Variants in DRAP1 observed in about 807,000 individuals in gnomAD.
DRAP1 encodes dr1-associated corepressor.
DRAP1 carries 10 observed loss-of-function variants against 24.1 expected under a neutral mutation model. The ratio of observed to expected loss-of-function variants is 0.41; its 90% CI spans 0.26 to 0.70. The LOEUF (loss-of-function observed/expected upper bound fraction) is 0.70. DRAP1 is among the 30% of genes least tolerant of loss of function. The pLI, the probability that DRAP1 is intolerant of heterozygous loss-of-function variation, is 0.29. For synonymous variants in DRAP1, 122 were observed against 113.8 expected, an observed-to-expected ratio of 1.07 and a Z score of -0.46; for missense variants, 264 against 275.6, an observed-to-expected ratio of 0.96 and a Z score of 0.30.
chr11:65,919,869 G>A lies in DRAP1; in HGVS notation c.115+17G>A. 2.5e-6 allele frequency: 4 copies of A among 1,613,266 alleles called. No homozygotes were observed. The highest frequency in any genetic ancestry group is 1.6e-4 in the Middle Eastern group (1 of 6,062). On this transcript the variant is annotated intron_variant, in intron 2 of 6. Coordinates refer to ENST00000312515, the MANE Select transcript of DRAP1 (RefSeq NM_006442.4). ...TCATCATCTGTATCCTGCCGGGGGC[G>A]GACCGGGTCGAGGGGCGTGGGGGAG...
In DRAP1 at chr11:65,920,920, G is replaced by A. The variant is rs909423551; in HGVS notation, c.460G>A (p.Glu154Lys). The change falls in exon 6 of 7, where the codon GAG becomes AAG. Residue 154 changes from glutamate to lysine, a missense_variant. This residue lies in a region of DRAP1 where 243 missense variants were observed against 233.6 expected (regional missense o/e 1.04). Coordinates refer to ENST00000312515, the MANE Select transcript of DRAP1 (RefSeq NM_006442.4). Reference sequence around the variant, plus strand: ...GGACACAGATACTGATGGGGAAGAGGAGACATCACAACCCCCACCCCAGGC... The same window carrying A: ...GGACACAGATACTGATGGGGAAGAGAAGACATCACAACCCCCACCCCAGGC... ...SEDTDTDGEEETSQPPPQASH... is the reference protein window; with the variant it reads ...SEDTDTDGEEKTSQPPPQASH... The A allele has an allele frequency of 2.5e-6, 4 of 1,613,526 alleles. No individual in the cohort carries two copies. The highest frequency in any genetic ancestry group is 3.3e-5 in the Admixed American group (2 of 59,910).
Position 65,921,412 on chromosome 11 carries a change from G to A in DRAP1, c.595G>A (p.Asp199Asn), listed in dbSNP as rs957107181. 8.1e-6 allele frequency: 13 copies of A among 1,609,524 alleles called. No individual in the cohort carries two copies. The highest frequency in any genetic ancestry group is 1.0e-5 in the Non-Finnish European group (12 of 1,175,974). ...PPGPSAPDEE[D>N]EEDYDS The stretch of plus-strand genomic sequence containing the variant: ...GGGCCCCTCAGCACCTGATGAAGAG[G>A]ACGAAGAAGATTACGACTCCTAGCG... Residue 199 changes from aspartate (D) to asparagine (N), a missense_variant, in exon 7 of 7, where the codon GAC (aspartate) becomes AAC (asparagine). Asp to Asn is a conservative substitution (Grantham distance 23). Around this residue, in one of 2 missense-constraint regions of DRAP1, gnomAD observed 243 missense variants for 233.6 expected, o/e 1.04. Coordinates refer to ENST00000312515, the MANE Select transcript of DRAP1 (RefSeq NM_006442.4).
rs759977811 is a variant in DRAP1, at chr11:65,921,369, T to G, written c.552T>G (p.Pro184=). 6.2e-7 allele frequency: 1 copy of G among 1,611,328 alleles called. No individual in the cohort carries two copies. Among genetic ancestry groups the G allele is most frequent in the South Asian group, 1.1e-5 (1 of 90,998 alleles). ...TPFLPFASTL[P]LPPAPPGPSA... ...TCCTGCCCTTCGCCTCTACTCTGCC[T>G]TTGCCCCCAGCGCCCCCGGGCCCCT... The change falls in exon 7 of 7, where the codon CCT becomes CCG. Residue 184 remains proline, a synonymous_variant. Transcript: ENST00000312515.
At chr11:65,921,160 C>T (rs979199526) in intron 6 of DRAP1, 170 bp from the exon 7 acceptor site, 3 of 671,046 alleles carry the variant, frequency 4.5e-6, no homozygotes, top group Admixed American at 6.1e-5. Flanking sequence ...TGCCAGGGCC[C>T]GTGGGTGGGG....
chr11:65,919,601 A>G (rs1399035142), intron 1 of DRAP1, 58 bp downstream of exon 1: 6 of 1,546,242 alleles, frequency 3.9e-6, no homozygotes, highest in South Asian at 1.2e-5. Context: ...GCTTGGGCCC[A>G]GTTCCCGCTG....
At chr11:65,921,222 A>AG (rs1854546287) in intron 6 of DRAP1, 108 bp from the exon 7 acceptor site, 1 of 666,204 alleles carries the variant, frequency 1.5e-6, no homozygotes, top group Non-Finnish European at 2.5e-6. Flanking sequence ...ATGGATCTGG[A>AG]GGGTGGTGGT....
At chr11:65,921,232 TG>T (rs1854546452) in intron 6 of DRAP1, 97 bp from the exon 7 acceptor site, 1 of 778,122 alleles carries the variant, frequency 1.3e-6, no homozygotes, top group Admixed American at 2.4e-5. Flanking sequence ...AGGGTGGTGG[TG>T]GGAGGGTCAG....
At position 65,921,514 on chromosome 11, in the gene DRAP1, C is replaced by A; in HGVS notation, c.*79C>A. ...GGGGAGGAGAGAAGGTAGAGCTGTT[C>A]TTAAATTTATTAAAAAAAAAAATAA... On this transcript the variant is annotated 3_prime_UTR_variant, in exon 7 of 7. Transcript: ENST00000312515. 1.6e-6 allele frequency: 1 copy of A among 619,344 alleles called. No homozygotes were observed. Among genetic ancestry groups the A allele is most frequent in the Non-Finnish European group, 2.8e-6 (1 of 355,432 alleles). The allele number at this position is 619,344 out of a possible 1,614,324, so 38.4% of individuals were successfully genotyped here.
In DRAP1 at chr11:65,921,414, C is replaced by G; in HGVS notation, c.597C>G (p.Asp199Glu). 5.0e-6 allele frequency: 8 copies of G among 1,608,548 alleles called. 1 individual carries two copies. The Middle Eastern group carries it at 1.3e-3, about 266-fold the overall frequency. Residue 199 changes from aspartate to glutamate, a missense_variant, in exon 7 of 7, where the codon GAC becomes GAG. Asp to Glu is a conservative substitution (Grantham distance 45). Around this residue, in one of 2 missense-constraint regions of DRAP1, gnomAD observed 243 missense variants for 233.6 expected, o/e 1.04. Coordinates refer to ENST00000312515, the MANE Select transcript of DRAP1 (RefSeq NM_006442.4). ...GCCCCTCAGCACCTGATGAAGAGGACGAAGAAGATTACGACTCCTAGCGCC... is the reference window on the plus strand; with the variant it reads ...GCCCCTCAGCACCTGATGAAGAGGAGGAAGAAGATTACGACTCCTAGCGCC... ...PPGPSAPDEE[D>E]EEDYDS
At position 65,920,068 on chromosome 11, in the gene DRAP1, C is replaced by T. The variant is rs370004144; in HGVS notation, c.209+27C>T. On this transcript the variant is annotated intron_variant, in intron 3 of 6. Coordinates refer to ENST00000312515, the MANE Select transcript of DRAP1 (RefSeq NM_006442.4). Reference sequence around the variant, plus strand: ...TGAGCGGCGAGGAGCCGGGAGGGGCCGGCGGGTTTGGCGCGGGGAGTTCAC... The same window carrying T: ...TGAGCGGCGAGGAGCCGGGAGGGGCTGGCGGGTTTGGCGCGGGGAGTTCAC... 67 of 1,608,038 alleles carry T rather than the reference C, an allele frequency of 4.2e-5. 1 individual carries two copies. Among genetic ancestry groups the T allele is most frequent in the Admixed American group, 6.8e-5 (4 of 59,164 alleles).
At position 65,920,918 on chromosome 11, in the gene DRAP1, A is replaced by C; in HGVS notation, c.458A>C (p.Glu153Ala). ...ESEDTDTDGE[E>A]ETSQPPPQAS... is the part of the protein sequence containing the mutation. Reference sequence around the variant, plus strand: ...GAGGACACAGATACTGATGGGGAAGAGGAGACATCACAACCCCCACCCCAG... The same window carrying C: ...GAGGACACAGATACTGATGGGGAAGCGGAGACATCACAACCCCCACCCCAG... The change falls in exon 6 of 7, where the codon GAG (glutamate) becomes GCG (alanine). Residue 153 changes from glutamate (E) to alanine (A), a missense_variant. Around this residue, in one of 2 missense-constraint regions of DRAP1, gnomAD observed 243 missense variants for 233.6 expected, o/e 1.04. Coordinates refer to ENST00000312515, the MANE Select transcript of DRAP1 (RefSeq NM_006442.4). 1.2e-6 allele frequency: 2 copies of C among 1,613,536 alleles called. No homozygotes were observed. The highest frequency in any genetic ancestry group is 2.2e-5 in the South Asian group (2 of 90,986).
At chr11:65,919,674 G>C in intron 1 of DRAP1, 106 bp from the exon 2 acceptor site, 1 of 1,484,952 alleles carries the variant, frequency 6.7e-7, no homozygotes, top group Non-Finnish European at 9.1e-7. Flanking sequence ...TGCCCTCCCC[G>C]CGTCCGTGTC....
Position 65,920,622 on chromosome 11 carries a change from G to A in DRAP1, c.383G>A (p.Ser128Asn). 1 of 1,540,594 alleles carries A rather than the reference G, an allele frequency of 6.5e-7. No homozygotes were observed. Among genetic ancestry groups the A allele is most frequent in the South Asian group, 1.2e-5 (1 of 81,634 alleles). ...AAGAACGGTGGGATGGGAACGAAAA[G>A]CAAGGACAAGAAGCTGTCCGGGACA... is the stretch of plus-strand genomic sequence containing the variant. ...GRKNGGMGTK[S>N]KDKKLSGTDS... The change falls in exon 5 of 7, where the codon AGC (serine) becomes AAC (asparagine). Residue 128 changes from serine to asparagine, a missense_variant. This residue lies in a region of DRAP1 where 243 missense variants were observed against 233.6 expected (regional missense o/e 1.04). Transcript: ENST00000312515.
chr11:65,919,673 C>T (rs1292117637), intron 1 of DRAP1, 107 bp from the exon 2 acceptor site: 6 of 1,525,932 alleles, frequency 3.9e-6, no homozygotes, highest in East Asian at 2.4e-5. Flanking sequence ...ATGCCCTCCC[C>T]GCGTCCGTGT....
In DRAP1 at chr11:65,920,964, C is replaced by CT; in HGVS notation, c.507dup (p.Gln170SerfsTer27). The CT allele has an allele frequency of 6.2e-7, 1 of 1,609,364 alleles. No individual in the cohort carries two copies. ...CCCAGGCCAGCCACCCCTCTGCCCA[C>CT]TTTCAGAGGTGAGCAGCCCAGAGGC... On this transcript the variant is annotated frameshift_variant, in exon 6 of 7. Coordinates refer to ENST00000312515, the MANE Select transcript of DRAP1 (RefSeq NM_006442.4). LOFTEE classifies it high-confidence loss of function.
In DRAP1 at chr11:65,920,681, C is replaced by G; in HGVS notation, c.423+19C>G. ...GCAGGAGGTGAGTGAGGCCCCAGCCCTTCGCCCTGCCCTTGGTGATGGGAC... is the reference window on the plus strand; with the variant it reads ...GCAGGAGGTGAGTGAGGCCCCAGCCGTTCGCCCTGCCCTTGGTGATGGGAC... On this transcript the variant is annotated intron_variant, in intron 5 of 6. Transcript: ENST00000312515. 1.4e-6 allele frequency: 2 copies of G among 1,472,838 alleles called. No homozygotes were observed. Among genetic ancestry groups the G allele is most frequent in the Non-Finnish European group, 1.8e-6 (2 of 1,106,994 alleles). The allele number at this position is 1,472,838 out of a possible 1,614,324, so 91.2% of individuals were successfully genotyped here. A position where few individuals can be genotyped will look rare whatever the true frequency, so the allele number is the denominator to read the frequency against.
chr11:65,920,899 A>T lies in DRAP1; in HGVS notation c.439A>T (p.Thr147Ser). Residue 147 changes from threonine to serine, a missense_variant, in exon 6 of 7, where the codon ACA becomes TCA. Coordinates refer to ENST00000312515, the MANE Select transcript of DRAP1 (RefSeq NM_006442.4). ...DSEQEDESED[T>S]DTDGEEETSQ... is the part of the protein sequence containing the mutation. ...GTGCTCACAGGATGAATCTGAGGAC[A>T]CAGATACTGATGGGGAAGAGGAGAC... is the stretch of plus-strand genomic sequence containing the variant. 2 of 1,613,290 alleles carry T rather than the reference A, an allele frequency of 1.2e-6. No individual in the cohort carries two copies. Among genetic ancestry groups the T allele is most frequent in the East Asian group, 2.2e-5 (1 of 44,884 alleles).
chr11:65,920,866 C>A lies in DRAP1; in HGVS notation c.424-18C>A. On this transcript the variant is annotated intron_variant, in intron 5 of 6. Transcript: ENST00000312515. ...TCGTGTCTTTTCTTGTCAACTCTGA[C>A]CTCTGCGGTGCTCACAGGATGAATC... is the stretch of plus-strand genomic sequence containing the variant. 6.2e-7 allele frequency: 1 copy of A among 1,606,078 alleles called. No homozygotes were observed. The highest frequency in any genetic ancestry group is 1.1e-5 in the South Asian group (1 of 90,072).
chr11:65,921,019 C>A, intron 6 of DRAP1, 47 bp downstream of exon 6: 10 of 1,412,312 alleles, frequency 7.1e-6, no homozygotes, highest in Non-Finnish European at 9.7e-6. Flanking sequence ...CTCCCCAGAG[C>A]CAACTTACCC....
Sources: allele counts gnomAD v4.1 joint callset, GRCh38; gene constraint gnomAD v4.1.1; regional missense constraint gnomAD v4.1.1; transcripts MANE v1.5; gene names NCBI Gene and HGNC (gene_info 2026-07-23, HGNC 2026-07-21).